The following PCDHA8 variants were observed in gnomAD, a reference collection of about 807,000 sequenced individuals.
PCDHA8 encodes protocadherin alpha-8.
A neutral mutation model predicts 61.8 loss-of-function variants in PCDHA8; 53 were observed. The ratio of observed to expected loss-of-function variants is 0.86; its 90% CI spans 0.69 to 1.08. The LOEUF is 1.08. Among genes scored for constraint, PCDHA8 ranks in the 50% least tolerant of loss-of-function variants. PCDHA8 has a pLI of 0.00. For missense variants in PCDHA8, 1,293 were observed against 1,245.0 expected, an observed-to-expected ratio of 1.04 and a Z score of -0.58; for synonymous variants, 618 against 556.6, an observed-to-expected ratio of 1.11 and a Z score of -1.55.
rs1297383367 is a variant in PCDHA8 at position 140,898,744 on chromosome 5, G to T, written c.2394+55029G>T. ...CTGTGAAGAAAGTCATTGGTAGCTT[G>T]ATGGGGATGGCATTGAATCTGTAAA... is the stretch of plus-strand genomic sequence containing the variant. On this transcript the variant is annotated intron_variant, in intron 1 of 3. Coordinates refer to ENST00000531613, the MANE Select transcript of PCDHA8 (RefSeq NM_018911.3). 1.1e-4 allele frequency among the ~76,000 whole-genome samples: 17 copies of T among 152,248 alleles called. 2 individuals are homozygous for T. Among genetic ancestry groups the T allele is most frequent in the East Asian group, 7.7e-4 (4 of 5,188 alleles).
intron 1 of PCDHA8, among the ~76,000 whole-genome samples, chr5:140,911,118 G>A (rs11955654): frequency 0.019 from 2,929 of 152,274 alleles, 39 homozygotes; most frequent in East Asian, 0.055. Flanking sequence ...AGCCATCACT[G>A]TTGCCTCAGG....
intron 1 of PCDHA8, among the ~76,000 whole-genome samples, chr5:140,886,931 G>A (rs1426144437): frequency 6.6e-6 from 1 of 151,756 alleles, no homozygotes; most frequent in Non-Finnish European, 1.5e-5. Context: ...CTATGTGCCA[G>A]GCATGTTCTA....
chr5:140,854,841 T>C (rs2043239245), intron 1 of PCDHA8, among the ~76,000 whole-genome samples: 1 of 149,832 alleles, frequency 6.7e-6, no homozygotes, highest in South Asian at 2.1e-4. Context: ...TTCACTGACA[T>C]TGATAAAATT....
intron 1 of PCDHA8, among the ~76,000 whole-genome samples, chr5:140,943,500 G>T (rs907493905): frequency 6.6e-6 from 1 of 152,048 alleles, no homozygotes; most frequent in Non-Finnish European, 1.5e-5. Flanking sequence ...TGCTATCAAG[G>T]TTCATGGAAA....
chr5:140,975,811 A>G (rs2096684538), intron 1 of PCDHA8, among the ~76,000 whole-genome samples: 3 of 134,728 alleles, frequency 2.2e-5, no homozygotes, highest in Non-Finnish European at 5.2e-5. Context: ...TATAATTTTA[A>G]TAGGAACTGA....
At chr5:140,961,193 G>C (rs1297758288) in intron 1 of PCDHA8, among the ~76,000 whole-genome samples, 1 of 152,124 alleles carries the variant, frequency 6.6e-6, no homozygotes, top group Non-Finnish European at 1.5e-5. Context: ...CAGGACCCTA[G>C]TGAGGTTGGT....
At chr5:140,882,698 G>T in intron 1 of PCDHA8, 1 of 1,614,200 alleles carries the variant, frequency 6.2e-7, no homozygotes, top group Non-Finnish European at 8.5e-7. Context: ...AATCATTGCA[G>T]AATCTAGACC....
chr5:140,949,915 T>A (rs1459531816), intron 1 of PCDHA8, among the ~76,000 whole-genome samples: 1 of 151,274 alleles, frequency 6.6e-6, no homozygotes, highest in African/African-American at 2.4e-5. Context: ...TAGATATAAC[T>A]ATTTTTAGAT....
intron 1 of PCDHA8, among the ~76,000 whole-genome samples, chr5:140,970,781 G>A (rs2096433448): frequency 6.6e-6 from 1 of 152,042 alleles, no homozygotes; most frequent in Admixed American, 6.6e-5. Context: ...CATACATATT[G>A]TATGTAATAT....
Position 140,891,839 on chromosome 5 carries a change from T to C in PCDHA8, c.2394+48124T>C, listed in dbSNP as rs10074902. Among the ~76,000 whole-genome samples, 663 of 152,284 alleles carry C rather than the reference T, an allele frequency of 4.4e-3. 7 individuals carry two copies. The highest frequency in any genetic ancestry group is 0.015 in the African/African-American group (618 of 41,564). On this transcript the variant is annotated intron_variant, in intron 1 of 3. Coordinates refer to ENST00000531613, the MANE Select transcript of PCDHA8 (RefSeq NM_018911.3). ...TTAACGGCACTGTAAAAGGACTTGA[T>C]GGAAGGAGCCTGTCCCTCTCTTATG...
rs530119651 is a variant in PCDHA8, at chr5:140,965,991, T to A, written c.2395-12958T>A. ...CCTAGGAGTTGAGCACTTTCTGCAG[T>A]ACTTAAGAGTGTCCAGGGAAGATGT... On this transcript the variant is annotated intron_variant, in intron 1 of 3. Transcript: ENST00000531613. Among the ~76,000 whole-genome samples, 253 of 152,310 alleles carry A rather than the reference T, an allele frequency of 1.7e-3. 2 individuals carry two copies. Among genetic ancestry groups the A allele is most frequent in the Non-Finnish European group, 2.4e-3 (164 of 68,034 alleles).
chr5:140,852,671 T>C (rs1371221007), intron 1 of PCDHA8: 3 of 965,758 alleles, frequency 3.1e-6, no homozygotes, highest in East Asian at 1.1e-4. Context: ...TCAGCACAAC[T>C]CACCTTGAAT....
intron 1 of PCDHA8, chr5:140,853,528 C>A (rs75012399): frequency 0.045 from 43,855 of 978,338 alleles, 4,320 homozygotes; most frequent in Non-Finnish European, 0.05. Flanking sequence ...CCTCCTATGT[C>A]TCTTTTCAAG....
chr5:140,882,788 C>T, intron 1 of PCDHA8: 1 of 1,614,216 alleles, frequency 6.2e-7, no homozygotes, highest in East Asian at 2.2e-5. Context: ...CCGACTGGAT[C>T]CCAACGATTA....
chr5:140,988,739 G>A (rs2097310931), intron 3 of PCDHA8, among the ~76,000 whole-genome samples: 1 of 152,096 alleles, frequency 6.6e-6, no homozygotes, highest in Non-Finnish European at 1.5e-5. Flanking sequence ...AATTATTCTA[G>A]GATTGGTGGC....
chr5:140,933,646 A>G (rs1459396156), intron 1 of PCDHA8, among the ~76,000 whole-genome samples: 16 of 152,120 alleles, frequency 1.1e-4, no homozygotes, highest in African/African-American at 3.9e-4. Flanking sequence ...AACAAGTTGG[A>G]AATCCTGTCT....
intron 1 of PCDHA8, among the ~76,000 whole-genome samples, chr5:140,888,420 C>T (rs947790198): frequency 3.3e-5 from 5 of 152,130 alleles, no homozygotes; most frequent in African/African-American, 4.8e-5. Context: ...AACATCCTAC[C>T]GTGCACAGGA....
intron 1 of PCDHA8, among the ~76,000 whole-genome samples, chr5:140,900,021 T>A (rs1423634160): frequency 1.3e-5 from 2 of 152,092 alleles, no homozygotes; most frequent in Non-Finnish European, 2.9e-5. Context: ...TGTTACCCAG[T>A]TTGGCCTTGA....
intron 1 of PCDHA8, chr5:140,966,963 G>C: frequency 6.2e-7 from 1 of 1,602,992 alleles, no homozygotes; most frequent in Non-Finnish European, 8.5e-7. Context: ...CGCGCGCTGG[G>C]GCTTGAGCTG....
Sources: allele counts gnomAD v4.1 joint callset (sites outside exome capture counted in the v4.1 genomes callset), GRCh38; gene constraint gnomAD v4.1.1; transcripts MANE v1.5; gene names NCBI Gene and HGNC (gene_info 2026-07-23, HGNC 2026-07-21).